The following ABCA13 variants were observed in gnomAD, a reference collection of about 807,000 sequenced individuals.
ABCA13 encodes ATP binding cassette subfamily A member 13.
A neutral mutation model predicts 478.7 loss-of-function variants in ABCA13; 476 were observed. That is an observed-to-expected ratio of 0.99 (90% confidence interval 0.92 to 1.07). ABCA13 has a LOEUF of 1.07. Ranked by LOEUF, ABCA13 falls within the 50% of genes least tolerant of loss-of-function variation. The pLI, the probability that ABCA13 is intolerant of heterozygous loss-of-function variation, is 0.00. For missense variants in ABCA13, 6,060 were observed against 5,910.6 expected (o/e 1.03, Z -0.83); for synonymous variants, 2,252 against 2,158.9 (o/e 1.04, Z -1.20).
intron 41 of ABCA13, among the ~76,000 whole-genome samples, chr7:48,415,494 G>A (rs1035684761): frequency 6.6e-6 from 1 of 152,146 alleles, no homozygotes; most frequent in African/African-American, 2.4e-5. Flanking sequence ...GGAGGAAGAT[G>A]CTGTAGGAAT....
chr7:48,533,636 T>A (rs1454631220), intron 55 of ABCA13, among the ~76,000 whole-genome samples: 2 of 152,158 alleles, frequency 1.3e-5, no homozygotes, highest in Admixed American at 6.5e-5. Context: ...TCTCATTTTT[T>A]AGGTGTAGTA....
chr7:48,333,692 C>G (rs1027093761), intron 27 of ABCA13, among the ~76,000 whole-genome samples: 2 of 152,136 alleles, frequency 1.3e-5, no homozygotes, highest in African/African-American at 4.8e-5. Flanking sequence ...TCTGGGACTC[C>G]CTGATGCTGC....
chr7:48,294,783 A>G (rs1035149010), intron 20 of ABCA13, among the ~76,000 whole-genome samples: 1 of 152,190 alleles, frequency 6.6e-6, no homozygotes, highest in Non-Finnish European at 1.5e-5. Context: ...GTTTGACTCT[A>G]CATGTAAATG....
chr7:48,507,843 G>A (rs1268549674), intron 49 of ABCA13, 29 bp from the exon 50 acceptor site: 1 of 1,563,290 alleles, frequency 6.4e-7, no homozygotes, highest in Non-Finnish European at 8.7e-7. Context: ...TTCGTCAGGT[G>A]CCTGAGAGCT....
intron 6 of ABCA13, among the ~76,000 whole-genome samples, 182 bp downstream of exon 6, chr7:48,227,607 A>G (rs954911537): frequency 3.9e-5 from 6 of 152,178 alleles, no homozygotes; most frequent in Admixed American, 6.5e-5. Context: ...TACATATTTT[A>G]TATACAGGCA....
Position 48,645,300 on chromosome 7 carries a change from G to C in ABCA13, c.15082-117G>C, listed in dbSNP as rs1019455135. On this transcript the variant is annotated intron_variant, in intron 61 of 61. Coordinates refer to ENST00000435803, the MANE Select transcript of ABCA13 (RefSeq NM_152701.5). ...TTGGGAGGGAATGGTATGAATTAAT[G>C]ATCTGTGGTTTTTAGGGCAAGTTGG... The C allele has an allele frequency of 1.2e-4, 80 of 685,900 alleles. No homozygotes were observed. The African/African-American group carries it at 1.3e-3, about 11-fold the overall frequency. The allele number at this position is 685,900 out of a possible 1,614,324, so 42.5% of individuals were successfully genotyped here.
Position 48,313,126 on chromosome 7 carries a change from C to A in ABCA13, c.9576C>A (p.Ser3192Arg), listed in dbSNP as rs748272428. ...LLNSLLDIVSSLSALLAKAQH... is the reference protein window; with the variant it reads ...LLNSLLDIVSRLSALLAKAQH... The stretch of plus-strand genomic sequence containing the variant: ...ACTCCTTGCTGGATATAGTTTCCAG[C>A]CTCAGCGCCTTGCTTGCCAAAGCCC... Residue 3192 changes from serine (S) to arginine (R), a missense_variant, in exon 25 of 62, where the codon AGC becomes AGA. Physicochemically the swap from Ser to Arg is moderately radical, Grantham distance 110. Transcript: ENST00000435803. 6.2e-7 allele frequency: 1 copy of A among 1,613,042 alleles called. No individual in the cohort carries two copies. The highest frequency in any genetic ancestry group is 1.7e-5 in the Admixed American group (1 of 59,886).
intron 55 of ABCA13, among the ~76,000 whole-genome samples, chr7:48,576,147 G>T (rs1259461192): frequency 6.6e-6 from 1 of 151,828 alleles, no homozygotes; most frequent in Non-Finnish European, 1.5e-5. Flanking sequence ...TTATATAAAG[G>T]ACTTGAGCAT....
At chr7:48,562,542 C>G (rs1786572978) in intron 55 of ABCA13, among the ~76,000 whole-genome samples, 1 of 146,930 alleles carries the variant, frequency 6.8e-6, no homozygotes, top group African/African-American at 2.6e-5. Flanking sequence ...AGATTGGGTA[C>G]CATAGAACCT....
rs759671430 is a variant in ABCA13 at position 48,272,577 on chromosome 7, T to C, written c.2911T>C (p.Tyr971His). 3.1e-6 allele frequency: 5 copies of C among 1,613,708 alleles called. No individual in the cohort carries two copies. Among genetic ancestry groups the C allele is most frequent in the Non-Finnish European group, 4.2e-6 (5 of 1,179,694 alleles). ...LLQIYSSFYRYIYELLNIQSR... is the reference protein window; with the variant it reads ...LLQIYSSFYRHIYELLNIQSR... ...GCAAATTTATTCTTCATTTTACCGA[T>C]ATATTTATGAATTATTGAATATTCA... is the stretch of plus-strand genomic sequence containing the variant. Residue 971 changes from tyrosine to histidine, a missense_variant, in exon 17 of 62, where the codon TAT (tyrosine) becomes CAT (histidine). By Grantham distance (83) the Tyr-to-His change is moderately conservative. Transcript: ENST00000435803.
In ABCA13 at chr7:48,634,046, G is replaced by A. The variant is rs561947501; in HGVS notation, c.14838-9242G>A. ...TTTCTCAAAACCACACAATTACATG[G>A]AAATTAAACAACTTGCTCCTGAATG... is the stretch of plus-strand genomic sequence containing the variant. On this transcript the variant is annotated intron_variant, in intron 59 of 61. Coordinates refer to ENST00000435803, the MANE Select transcript of ABCA13 (RefSeq NM_152701.5). Among the ~76,000 whole-genome samples, 71 of 152,136 alleles carry A rather than the reference G, an allele frequency of 4.7e-4. 1 individual carries two copies. Among genetic ancestry groups the A allele is most frequent in the African/African-American group, 1.6e-3 (68 of 41,508 alleles).
In ABCA13 at chr7:48,273,175, A is replaced by G. The variant is rs369803433; in HGVS notation, c.3509A>G (p.Asn1170Ser). The change falls in exon 17 of 62, where the codon AAT becomes AGT. Residue 1170 changes from asparagine (N) to serine (S), a missense_variant. Asn to Ser is a conservative substitution (Grantham distance 46). Transcript: ENST00000435803. ...TISQLFKFDMNVFTSLHHGFT... is the reference protein window; with the variant it reads ...TISQLFKFDMSVFTSLHHGFT... ...TCTCAATTATTTAAGTTTGACATGA[A>G]TGTTTTCACATCTCTTCATCATGGT... is the stretch of plus-strand genomic sequence containing the variant. 3 of 1,613,594 alleles carry G rather than the reference A, an allele frequency of 1.9e-6. No homozygotes were observed. Among genetic ancestry groups the G allele is most frequent in the African/African-American group, 1.3e-5 (1 of 74,918 alleles).
At chr7:48,572,670 G>A (rs901682327) in intron 55 of ABCA13, among the ~76,000 whole-genome samples, 2 of 151,866 alleles carry the variant, frequency 1.3e-5, no homozygotes, top group Non-Finnish European at 2.9e-5. Flanking sequence ...AAAATTTTGT[G>A]GTGATTATTA....
chr7:48,407,981 C>T (rs1316863824), intron 39 of ABCA13, among the ~76,000 whole-genome samples: 2 of 152,142 alleles, frequency 1.3e-5, no homozygotes, highest in African/African-American at 2.4e-5. Context: ...AGAACCAATG[C>T]TCCACAGATA....
intron 55 of ABCA13, among the ~76,000 whole-genome samples, chr7:48,549,485 T>C (rs1785119038): frequency 1.3e-5 from 2 of 152,006 alleles, no homozygotes; most frequent in Admixed American, 6.6e-5. Context: ...TTTGGGTTGG[T>C]TCCATGTCTT....
intron 31 of ABCA13, among the ~76,000 whole-genome samples, chr7:48,354,526 T>C (rs1809583717): frequency 6.6e-6 from 1 of 151,968 alleles, no homozygotes; most frequent in South Asian, 2.1e-4. Context: ...TTTCACCCCT[T>C]GAAGATAAAT....
chr7:48,431,284 T>A (rs181468611), intron 42 of ABCA13, among the ~76,000 whole-genome samples: 13 of 151,916 alleles, frequency 8.6e-5, no homozygotes, highest in Non-Finnish European at 5.9e-5. Context: ...GGAGGTTGCC[T>A]TGAGCCTAGA....
intron 58 of ABCA13, among the ~76,000 whole-genome samples, chr7:48,604,475 C>T (rs998249794): frequency 4.6e-5 from 7 of 152,280 alleles, no homozygotes; most frequent in Admixed American, 1.3e-4. Context: ...TTTCTGCCTT[C>T]ATTTTGTTAT....
At chr7:48,339,863 G>C (rs1237103728) in intron 29 of ABCA13, among the ~76,000 whole-genome samples, 1 of 152,178 alleles carries the variant, frequency 6.6e-6, no homozygotes, top group African/African-American at 2.4e-5. Context: ...GCATTCACGG[G>C]TGGGGTGGCG....
Sources: allele counts gnomAD v4.1 joint callset (sites outside exome capture counted in the v4.1 genomes callset), GRCh38; gene constraint gnomAD v4.1.1; transcripts MANE v1.5; gene names NCBI Gene and HGNC (gene_info 2026-07-23, HGNC 2026-07-21).